LSAMP: variants seen among roughly 807,000 people sequenced by gnomAD.
The protein encoded by LSAMP is limbic system associated membrane protein.
A neutral mutation model predicts 38.6 loss-of-function variants in LSAMP; 7 were observed. The observed-to-expected ratio is 0.18, with a 90% CI of 0.10 to 0.34. The LOEUF is 0.34. LSAMP is among the 10% of genes least tolerant of loss of function. The pLI is 1.00. For missense variants in LSAMP, 313 were observed against 420.0 expected (o/e 0.75, Z 2.23); for synonymous variants, 154 against 166.8 (o/e 0.92, Z 0.59).
intron 1 of LSAMP, among the ~76,000 whole-genome samples, chr3:116,382,756 TC>T (rs2107803310): frequency 6.6e-6 from 1 of 152,230 alleles, no homozygotes; most frequent in African/African-American, 2.4e-5. Flanking sequence ...TCTTTTAAAG[TC>T]CCCGAGTTTG....
intron 1 of LSAMP, among the ~76,000 whole-genome samples, chr3:116,159,147 A>G (rs902294127): frequency 6.6e-6 from 1 of 152,160 alleles, no homozygotes; most frequent in Admixed American, 6.6e-5. Context: ...TAAAGCTATA[A>G]AAATCCTTGA....
chr3:116,246,577 C>A (rs749835562), intron 1 of LSAMP, among the ~76,000 whole-genome samples: 1 of 152,148 alleles, frequency 6.6e-6, no homozygotes, highest in African/African-American at 2.4e-5. Context: ...TTATGCCAAG[C>A]GTGCAGTGCC....
Position 116,272,885 on chromosome 3 carries a change from G to A in LSAMP, c.155+171992C>T, listed in dbSNP as rs557930523. On this transcript the variant is annotated intron_variant, in intron 1 of 6. Coordinates refer to ENST00000490035, the MANE Select transcript of LSAMP (RefSeq NM_002338.5). ...AATAGTAAACTAATTTTTTTGTTTT[G>A]TTTTCTATTCTTTTATGAAACGAGC... Among the ~76,000 whole-genome samples the A allele has an allele frequency of 2.0e-5, 3 of 151,998 alleles. No homozygotes were observed. In the East Asian group the frequency reaches 5.8e-4, roughly 29 times the overall value.
intron 2 of LSAMP, among the ~76,000 whole-genome samples, chr3:116,085,126 C>T (rs1212555289): frequency 6.6e-6 from 1 of 152,104 alleles, no homozygotes; most frequent in Non-Finnish European, 1.5e-5. Flanking sequence ...CTTAAGTACG[C>T]TCTACTAAGC....
In LSAMP at chr3:116,017,710, A is replaced by G. The variant is rs146195606; in HGVS notation, c.514+1805T>C. Among the ~76,000 whole-genome samples, 8 of 152,316 alleles carry G rather than the reference A, an allele frequency of 5.3e-5. No homozygotes were observed. In the East Asian group the frequency reaches 1.5e-3, roughly 29 times the overall value. ...TTCACTGGGTCCTTTCTTAAAAAGC[A>G]AACGATTGCTTAGGAAAAAAGAAAG... On this transcript the variant is annotated intron_variant, in intron 3 of 6. Transcript: ENST00000490035.
At chr3:116,344,978 G>A (rs934984207) in intron 1 of LSAMP, among the ~76,000 whole-genome samples, 1 of 152,162 alleles carries the variant, frequency 6.6e-6, no homozygotes, top group African/African-American at 2.4e-5. Context: ...CAAATAGATT[G>A]TAATCCCTGT....
At chr3:116,105,366 C>T (rs1430430088) in intron 1 of LSAMP, among the ~76,000 whole-genome samples, 4 of 152,260 alleles carry the variant, frequency 2.6e-5, no homozygotes, top group South Asian at 2.1e-4. Flanking sequence ...CTTTCATGCG[C>T]GTCCGTGTGA....
intron 1 of LSAMP, among the ~76,000 whole-genome samples, chr3:116,410,851 GC>G (rs1430239744): frequency 6.6e-6 from 1 of 152,054 alleles, no homozygotes; most frequent in Non-Finnish European, 1.5e-5. Context: ...TTACATAATG[GC>G]TTTTTCACTT....
chr3:116,442,286 G>A (rs2049446392), intron 1 of LSAMP, among the ~76,000 whole-genome samples: 1 of 151,750 alleles, frequency 6.6e-6, no homozygotes, highest in South Asian at 2.1e-4. Flanking sequence ...CTTGTCTCCT[G>A]TTGCCATCTC....
At chr3:116,101,411 C>G (rs1477084251) in intron 1 of LSAMP, among the ~76,000 whole-genome samples, 1 of 151,912 alleles carries the variant, frequency 6.6e-6, no homozygotes, top group African/African-American at 2.4e-5. Context: ...TTTTTTGTCA[C>G]TCTTTTAAAT....
chr3:116,244,195 A>G (rs1227503776), intron 1 of LSAMP, among the ~76,000 whole-genome samples: 3 of 152,208 alleles, frequency 2.0e-5, no homozygotes, highest in South Asian at 4.1e-4. Flanking sequence ...GTCCTATGCT[A>G]TCCTGAGTCT....
At chr3:115,862,430 C>T (rs952977727) in intron 3 of LSAMP, among the ~76,000 whole-genome samples, 1 of 152,214 alleles carries the variant, frequency 6.6e-6, no homozygotes, top group Non-Finnish European at 1.5e-5. Flanking sequence ...TAGCCCTTCA[C>T]CCTTTCTTAA....
intron 1 of LSAMP, among the ~76,000 whole-genome samples, chr3:116,339,081 C>G (rs571497386): frequency 1.3e-5 from 2 of 152,048 alleles, no homozygotes; most frequent in Non-Finnish European, 2.9e-5. Context: ...GGTTCAGGTG[C>G]CTTTCCTAGG....
At chr3:116,259,637 A>G (rs1329017056) in intron 1 of LSAMP, among the ~76,000 whole-genome samples, 1 of 152,210 alleles carries the variant, frequency 6.6e-6, no homozygotes, top group Non-Finnish European at 1.5e-5. Flanking sequence ...AGAAGGCACT[A>G]CATAAATGTG....
At chr3:116,176,085 G>C (rs1710331427) in intron 1 of LSAMP, among the ~76,000 whole-genome samples, 1 of 152,080 alleles carries the variant, frequency 6.6e-6, no homozygotes, top group Non-Finnish European at 1.5e-5. Flanking sequence ...TACCTTGACA[G>C]AGCTTGGCAT....
intron 1 of LSAMP, among the ~76,000 whole-genome samples, chr3:116,316,382 T>C (rs1175178030): frequency 6.6e-6 from 1 of 152,146 alleles, no homozygotes; most frequent in Non-Finnish European, 1.5e-5. Context: ...TCTAGCAAAA[T>C]ATCTGACAAA....
chr3:115,903,284 T>A lies in LSAMP; in HGVS notation c.515-50667A>T, dbSNP rs374608576. Among the ~76,000 whole-genome samples, 241 of 152,148 alleles carry A rather than the reference T, an allele frequency of 1.6e-3. 2 individuals carry two copies. Among genetic ancestry groups the A allele is most frequent in the African/African-American group, 5.4e-3 (226 of 41,522 alleles). On this transcript the variant is annotated intron_variant, in intron 3 of 6. Transcript: ENST00000490035. The stretch of plus-strand genomic sequence containing the variant: ...TTCTCACTTACACGTGGGAGCTAAA[T>A]GATGAGAACACATGAACACGTAGAG...
intron 1 of LSAMP, among the ~76,000 whole-genome samples, chr3:116,200,093 TACACACACACACAC>T (rs36216707): frequency 6.0e-5 from 9 of 149,260 alleles, no homozygotes; most frequent in African/African-American, 1.2e-4. Context: ...AGTCTTACTT[TACACACACACACAC>T]ACACACACAC....
At chr3:116,159,265 TTAAAC>T (rs1463647223) in intron 1 of LSAMP, among the ~76,000 whole-genome samples, 1 of 152,182 alleles carries the variant, frequency 6.6e-6, no homozygotes, top group African/African-American at 2.4e-5. Flanking sequence ...TGGGACCTAA[TTAAAC>T]TAAAAAGTTC....
Sources: gnomAD v4.1 joint callset for allele counts (sites outside exome capture counted in the v4.1 genomes callset) on GRCh38, gnomAD v4.1.1 for gene constraint, MANE v1.5 for transcripts, NCBI Gene and HGNC (gene_info 2026-07-23, HGNC 2026-07-21) for gene names.